Variants in CNGB3 observed in about 807,000 individuals in gnomAD.
CNGB3 encodes cyclic nucleotide-gated channel beta-3.
CNGB3 carries 86 observed loss-of-function variants against 92.8 expected under a neutral mutation model. That is an observed-to-expected ratio of 0.93 (90% CI 0.78 to 1.11). The LOEUF (loss-of-function observed/expected upper bound fraction) is 1.11, where lower values mean the gene tolerates loss of function less well. Ranked by LOEUF, CNGB3 falls within the 50% of genes least tolerant of loss-of-function variation. The pLI is 0.00. For missense variants in CNGB3, 1,026 were observed against 956.8 expected, an observed-to-expected ratio of 1.07 and a Z score of -0.95; for synonymous variants, 333 against 332.7, an observed-to-expected ratio of 1.00 and a Z score of -0.01.
chr8:86,654,711 T>C (rs1823470177), intron 6 of CNGB3, among the ~76,000 whole-genome samples: 1 of 152,190 alleles, frequency 6.6e-6, no homozygotes, highest in South Asian at 2.1e-4. Context: ...AAACTTTTTC[T>C]TTTCAAAGAA....
At chr8:86,619,663 G>C (rs1373457786) in intron 13 of CNGB3, among the ~76,000 whole-genome samples, 1 of 149,534 alleles carries the variant, frequency 6.7e-6, no homozygotes, top group African/African-American at 2.5e-5. Context: ...TGTGACTGTA[G>C]GTATCTATCT....
At chr8:86,597,707 G>A (rs910402148) in intron 15 of CNGB3, among the ~76,000 whole-genome samples, 1 of 152,142 alleles carries the variant, frequency 6.6e-6, no homozygotes, top group Admixed American at 6.5e-5. Context: ...ATGGTTAGGC[G>A]CAGTGGCTTG....
intron 10 of CNGB3, among the ~76,000 whole-genome samples, chr8:86,640,462 C>T (rs1823159620): frequency 6.6e-6 from 1 of 152,004 alleles, no homozygotes; most frequent in South Asian, 2.1e-4. Context: ...CCCAAACTAG[C>T]CAGTTTTATC....
chr8:86,724,296 T>A (rs1226904746), intron 3 of CNGB3, among the ~76,000 whole-genome samples: 1 of 152,160 alleles, frequency 6.6e-6, no homozygotes, highest in Non-Finnish European at 1.5e-5. Flanking sequence ...AGCCTCATGT[T>A]TTTTCCTCAT....
chr8:86,600,773 C>G (rs897027512), intron 15 of CNGB3, among the ~76,000 whole-genome samples: 2 of 112,230 alleles, frequency 1.8e-5, no homozygotes, highest in Non-Finnish European at 3.4e-5. Flanking sequence ...CCACGCTCGG[C>G]TAATTTTTTT....
At chr8:86,590,942 C>T (rs942123608) in intron 15 of CNGB3, among the ~76,000 whole-genome samples, 14 of 150,878 alleles carry the variant, frequency 9.3e-5, no homozygotes, top group African/African-American at 3.4e-4. Flanking sequence ...TGTTTTCCAA[C>T]TTGGTTCCAT....
chr8:86,673,133 C>T (rs1167989096), intron 3 of CNGB3, among the ~76,000 whole-genome samples: 2 of 152,206 alleles, frequency 1.3e-5, no homozygotes, highest in African/African-American at 4.8e-5. Context: ...TACACAGTGT[C>T]AGGCCCGATA....
chr8:86,674,834 C>G (rs1823934911), intron 3 of CNGB3, among the ~76,000 whole-genome samples: 1 of 152,108 alleles, frequency 6.6e-6, no homozygotes, highest in Non-Finnish European at 1.5e-5. Context: ...CTCACTGCAG[C>G]CTTGACTTCC....
At chr8:86,670,298 G>C (rs566004522) in intron 4 of CNGB3, among the ~76,000 whole-genome samples, 1 of 152,138 alleles carries the variant, frequency 6.6e-6, no homozygotes, top group African/African-American at 2.4e-5. Flanking sequence ...GCATAACATG[G>C]GTATTTTAAA....
At chr8:86,725,474 ATC>A (rs560551028) in intron 3 of CNGB3, among the ~76,000 whole-genome samples, 120 of 152,294 alleles carry the variant, frequency 7.9e-4, no homozygotes, top group African/African-American at 2.9e-3. Context: ...GAGTTTAAAC[ATC>A]TCTCTGCCAA....
chr8:86,591,486 C>G (rs1325247748), intron 15 of CNGB3, among the ~76,000 whole-genome samples: 1 of 149,690 alleles, frequency 6.7e-6, no homozygotes, highest in East Asian at 2.0e-4. Flanking sequence ...TACTTTTGGT[C>G]TTTGATGATG....
chr8:86,722,310 T>A (rs1267146828), intron 3 of CNGB3, among the ~76,000 whole-genome samples: 2 of 152,198 alleles, frequency 1.3e-5, no homozygotes, highest in African/African-American at 4.8e-5. Flanking sequence ...TGGACTGAGA[T>A]AAAGTGCCAG....
intron 13 of CNGB3, among the ~76,000 whole-genome samples, chr8:86,613,100 T>A (rs1822551243): frequency 6.6e-6 from 1 of 152,156 alleles, no homozygotes; most frequent in African/African-American, 2.4e-5. Context: ...TAACAAAATT[T>A]GAATCATTTG....
At chr8:86,711,249 CTGT>C in intron 3 of CNGB3, among the ~76,000 whole-genome samples, 1 of 152,188 alleles carries the variant, frequency 6.6e-6, no homozygotes, top group African/African-American at 2.4e-5. Flanking sequence ...CAGATTAACT[CTGT>C]TGTTTTAATA....
At position 86,579,242 on chromosome 8, in the gene CNGB3, C is replaced by T; in HGVS notation, c.1792G>A (p.Ala598Thr). ...SVFGEISLLA[A>T]GGGNRRTANV... ...GCAGTTCGACGGTTTCCTCCTCCTG[C>T]TGCTAGAAGGCTGTAAGAGAGAAAA... Residue 598 changes from alanine to threonine, a missense_variant, in exon 16 of 18, where the codon GCA becomes ACA. Transcript: ENST00000320005. 6.2e-7 allele frequency: 1 copy of T among 1,614,082 alleles called. No individual in the cohort carries two copies. The highest frequency in any genetic ancestry group is 1.3e-5 in the African/African-American group (1 of 75,050).
intron 3 of CNGB3, among the ~76,000 whole-genome samples, chr8:86,686,855 T>G (rs1824197591): frequency 6.6e-6 from 1 of 152,074 alleles, no homozygotes; most frequent in Non-Finnish European, 1.5e-5. Context: ...TATTTGTATT[T>G]GCTTGTATGC....
chr8:86,666,901 C>T, intron 6 of CNGB3, 24 bp downstream of exon 6: 1 of 1,580,558 alleles, frequency 6.3e-7, no homozygotes, highest in Non-Finnish European at 8.7e-7. Flanking sequence ...GTTTCAGTTT[C>T]TGCCTTTCCC....
chr8:86,592,345 T>C (rs150296577), intron 15 of CNGB3, among the ~76,000 whole-genome samples: 3,230 of 152,336 alleles, frequency 0.021, 110 homozygotes, highest in African/African-American at 0.074. Flanking sequence ...CTGTTCCTAT[T>C]CGGCCATCTT....
chr8:86,639,905 T>C (rs1823147509), intron 10 of CNGB3, among the ~76,000 whole-genome samples: 1 of 152,052 alleles, frequency 6.6e-6, no homozygotes, highest in African/African-American at 2.4e-5. Context: ...GTAATATTTA[T>C]AGTCAGAGAA....
Sources: gnomAD v4.1 joint callset for allele counts (sites outside exome capture counted in the v4.1 genomes callset) on GRCh38, gnomAD v4.1.1 for gene constraint, MANE v1.5 for transcripts, NCBI Gene and HGNC (gene_info 2026-07-23, HGNC 2026-07-21) for gene names.